Variants in SRGAP3 observed in about 807,000 individuals in gnomAD.
SRGAP3 encodes the protein SLIT-ROBO Rho GTPase-activating protein 3.
Under a neutral mutation model 121.1 loss-of-function variants are expected in SRGAP3, and 39 were observed. The ratio of observed to expected loss-of-function variants is 0.32; its 90% confidence interval spans 0.25 to 0.42. The LOEUF is 0.42. Ranked by LOEUF, SRGAP3 falls within the 10% of genes least tolerant of loss-of-function variation. The pLI is 1.00. For missense variants in SRGAP3, 1,213 were observed against 1,470.6 expected, an observed-to-expected ratio of 0.82 and a Z score of 2.86; for synonymous variants, 601 against 570.0, an observed-to-expected ratio of 1.05 and a Z score of -0.77.
chr3:9,213,210 T>G (rs1345410859), intron 1 of SRGAP3, among the ~76,000 whole-genome samples: 1 of 152,152 alleles, frequency 6.6e-6, no homozygotes, highest in Non-Finnish European at 1.5e-5. Context: ...GATGCCCAGT[T>G]TGTCCACAGA....
At chr3:8,998,510 T>C (rs577474047) in intron 18 of SRGAP3, among the ~76,000 whole-genome samples, 9 of 150,074 alleles carry the variant, frequency 6.0e-5, no homozygotes, top group South Asian at 4.3e-4. Context: ...GTGTATGATG[T>C]GTGTATTTAT....
At chr3:9,255,281 C>T (rs1954107640) in intron 3 of SRGAP3, among the ~76,000 whole-genome samples, 1 of 152,184 alleles carries the variant, frequency 6.6e-6, no homozygotes. Flanking sequence ...AAGGGAAATA[C>T]ACATGAAATG....
intron 1 of SRGAP3, among the ~76,000 whole-genome samples, chr3:9,153,736 A>T (rs1283089353): frequency 7.1e-6 from 1 of 140,138 alleles, no homozygotes; most frequent in Non-Finnish European, 1.5e-5. Context: ...ATCTTGCTAT[A>T]TGTACTCTAA....
chr3:9,238,691 G>A (rs1022408067), intron 1 of SRGAP3, among the ~76,000 whole-genome samples: 17 of 152,158 alleles, frequency 1.1e-4, no homozygotes, highest in Non-Finnish European at 1.9e-4. Flanking sequence ...GAGAGAAGCC[G>A]GATCCCTTCC....
chr3:9,215,978 A>T (rs906055512), intron 1 of SRGAP3, among the ~76,000 whole-genome samples: 2 of 152,282 alleles, frequency 1.3e-5, no homozygotes, highest in South Asian at 4.1e-4. Context: ...AATCCCCCTA[A>T]TAACTCCCCT....
chr3:9,189,744 C>A (rs919795708), intron 1 of SRGAP3, among the ~76,000 whole-genome samples: 3 of 152,178 alleles, frequency 2.0e-5, no homozygotes, highest in Admixed American at 6.5e-5. Context: ...ACATCTCTGT[C>A]ATTCCTGATT....
chr3:9,080,835 T>A (rs2125266852), intron 3 of SRGAP3, among the ~76,000 whole-genome samples: 1 of 152,294 alleles, frequency 6.6e-6, no homozygotes, highest in South Asian at 2.1e-4. Context: ...CACCCCCAGA[T>A]GAAACCATGT....
intron 3 of SRGAP3, among the ~76,000 whole-genome samples, chr3:9,274,288 G>A (rs752095139): frequency 6.6e-6 from 1 of 152,316 alleles, no homozygotes; most frequent in Non-Finnish European, 1.5e-5. Flanking sequence ...ATATTTCCCT[G>A]ACCCCTTCAC....
chr3:9,095,232 T>C (rs1042580372), intron 3 of SRGAP3, among the ~76,000 whole-genome samples: 4 of 152,112 alleles, frequency 2.6e-5, no homozygotes, highest in Non-Finnish European at 4.4e-5. Context: ...CTCCTTGTCT[T>C]GGCCATATTT....
intron 2 of SRGAP3, among the ~76,000 whole-genome samples, chr3:9,327,307 A>C (rs1395796748): frequency 1.3e-5 from 2 of 151,812 alleles, no homozygotes; most frequent in African/African-American, 2.4e-5. Context: ...ACTTTAGCCA[A>C]CATGTTCACA....
chr3:9,212,695 C>T (rs911714054), intron 1 of SRGAP3, among the ~76,000 whole-genome samples: 1 of 152,152 alleles, frequency 6.6e-6, no homozygotes, highest in African/African-American at 2.4e-5. Flanking sequence ...CACCTGGTGA[C>T]AGAGAGAGAC....
At chr3:9,300,954 T>C (rs1574984847) in intron 3 of SRGAP3, among the ~76,000 whole-genome samples, 2 of 152,064 alleles carry the variant, frequency 1.3e-5, no homozygotes, top group Non-Finnish European at 2.9e-5. Context: ...CCTGACTGAA[T>C]GCACAAGCTT....
At position 9,338,955 on chromosome 3, in the gene SRGAP3, G is replaced by A. The variant is rs561819592; in HGVS notation, n.215-8359C>T. Among the ~76,000 whole-genome samples, 17 of 152,274 alleles carry A rather than the reference G, an allele frequency of 1.1e-4. 1 individual carries two copies. Among genetic ancestry groups the A allele is most frequent in the African/African-American group, 3.6e-4 (15 of 41,560 alleles). On this transcript the variant is annotated intron_variant and non_coding_transcript_variant, in intron 1 of 3. Coordinates refer to the SRGAP3 transcript ENST00000490889. ...AGACAAATTTCATAAGCTAAAAAAC[G>A]TGCATTCTTCTGGAAGCTAGTACTT...
At chr3:9,077,198 G>A (rs1245892700) in intron 4 of SRGAP3, among the ~76,000 whole-genome samples, 2 of 149,696 alleles carry the variant, frequency 1.3e-5, no homozygotes, top group Non-Finnish European at 3.0e-5. Flanking sequence ...CTCCTTAGGA[G>A]TAAGACCAGT....
At chr3:9,075,659 C>A (rs1200849305) in intron 4 of SRGAP3, among the ~76,000 whole-genome samples, 2 of 152,126 alleles carry the variant, frequency 1.3e-5, no homozygotes, top group Non-Finnish European at 2.9e-5. Flanking sequence ...CTGTAGGACC[C>A]CCGGAACAGA....
At chr3:9,112,532 C>T (rs1214394200) in intron 2 of SRGAP3, among the ~76,000 whole-genome samples, 1 of 152,142 alleles carries the variant, frequency 6.6e-6, no homozygotes, top group Non-Finnish European at 1.5e-5. Flanking sequence ...CAGATAATCA[C>T]AAAAATCAAT....
At chr3:9,282,854 G>A (rs544902492) in intron 3 of SRGAP3, among the ~76,000 whole-genome samples, 1 of 152,222 alleles carries the variant, frequency 6.6e-6, no homozygotes, top group Non-Finnish European at 1.5e-5. Context: ...AGTTGGAAAG[G>A]GAAGGAATAT....
At position 8,983,523 on chromosome 3, in the gene SRGAP3, G is replaced by A. The variant is rs566862529; in HGVS notation, c.*1996C>T. ...CCTTTGGGTGTATTTACCTTTTCGCGGGGGACCAGAGGAGAGGGCACCACT... is the reference window on the plus strand; with the variant it reads ...CCTTTGGGTGTATTTACCTTTTCGCAGGGGACCAGAGGAGAGGGCACCACT... On this transcript the variant is annotated 3_prime_UTR_variant, in exon 22 of 22. Coordinates refer to ENST00000383836, the MANE Select transcript of SRGAP3 (RefSeq NM_014850.4). 73 of 229,858 alleles carry A rather than the reference G, an allele frequency of 3.2e-4. 1 individual carries two copies. The highest frequency in any genetic ancestry group is 1.4e-3 in the African/African-American group (63 of 45,194). The allele number at this position is 229,858 out of a possible 1,614,324, so 14.2% of individuals were successfully genotyped here.
intron 1 of SRGAP3, among the ~76,000 whole-genome samples, chr3:9,176,761 A>G (rs992900764): frequency 6.6e-6 from 1 of 152,174 alleles, no homozygotes. Context: ...AAACAGCTGT[A>G]TCTCTCAAGA....
Sources: gnomAD v4.1 joint callset for allele counts (sites outside exome capture counted in the v4.1 genomes callset) on GRCh38, gnomAD v4.1.1 for gene constraint, MANE v1.5 for transcripts, NCBI Gene and HGNC (gene_info 2026-07-23, HGNC 2026-07-21) for gene names.